SLIT2: variants seen among roughly 807,000 people sequenced by gnomAD.
SLIT2 encodes the protein slit homolog 2 protein.
A neutral mutation model predicts 185.7 loss-of-function variants in SLIT2; 41 were observed. The observed-to-expected ratio is 0.22, with a 90% CI of 0.17 to 0.29. The LOEUF (loss-of-function observed/expected upper bound fraction) is 0.29, where lower values mean the gene tolerates loss of function less well. SLIT2 is among the 10% of genes least tolerant of loss of function. The pLI is 1.00. For missense variants in SLIT2, 1,571 were observed against 1,909.0 expected, an observed-to-expected ratio of 0.82 and a Z score of 3.30; for synonymous variants, 693 against 680.2, an observed-to-expected ratio of 1.02 and a Z score of -0.29.
chr4:20,277,054 C>G (rs1219228403), intron 4 of SLIT2, among the ~76,000 whole-genome samples: 2 of 152,142 alleles, frequency 1.3e-5, no homozygotes, highest in Non-Finnish European at 2.9e-5. Context: ...ACCTTAGACA[C>G]GACAAGGCAT....
chr4:20,503,459 A>C (rs1043579714), intron 9 of SLIT2, among the ~76,000 whole-genome samples: 1 of 152,160 alleles, frequency 6.6e-6, no homozygotes, highest in Non-Finnish European at 1.5e-5. Flanking sequence ...AAAACTTCTA[A>C]GTGTTTTTCT....
intron 4 of SLIT2, among the ~76,000 whole-genome samples, chr4:20,372,975 C>T (rs184995425): frequency 7.9e-5 from 12 of 151,978 alleles, no homozygotes; most frequent in Admixed American, 1.3e-4. Flanking sequence ...TTTACATTTA[C>T]GAACATATTA....
At chr4:20,514,763 C>CT (rs894620588) in intron 11 of SLIT2, among the ~76,000 whole-genome samples, 14 of 151,152 alleles carry the variant, frequency 9.3e-5, no homozygotes, top group Admixed American at 4.7e-4. Context: ...AAATCCTATA[C>CT]TTTTTTTTAT....
intron 9 of SLIT2, among the ~76,000 whole-genome samples, chr4:20,499,194 C>T (rs1718486156): frequency 6.6e-6 from 1 of 152,214 alleles, no homozygotes; most frequent in South Asian, 2.1e-4. Flanking sequence ...TTGAGAAATA[C>T]TTGTTCATAT....
At chr4:20,471,310 ATATAT>A (rs947690868) in intron 5 of SLIT2, among the ~76,000 whole-genome samples, 15 of 152,282 alleles carry the variant, frequency 9.9e-5, no homozygotes, top group African/African-American at 2.2e-4. Context: ...ATCTGGTAAA[ATATAT>A]TATAACTGAG....
chr4:20,372,082 C>T (rs888480522), intron 4 of SLIT2, among the ~76,000 whole-genome samples: 1 of 152,066 alleles, frequency 6.6e-6, no homozygotes, highest in South Asian at 2.1e-4. Flanking sequence ...TTATTCTTCA[C>T]CCACTTTTAG....
intron 22 of SLIT2, among the ~76,000 whole-genome samples, chr4:20,548,238 C>T (rs1428529967): frequency 1.3e-5 from 2 of 152,044 alleles, no homozygotes; most frequent in African/African-American, 2.4e-5. Context: ...ACCCCTTGCA[C>T]GTACACTACA....
At chr4:20,477,916 C>G (rs1216902345) in intron 5 of SLIT2, among the ~76,000 whole-genome samples, 1 of 152,162 alleles carries the variant, frequency 6.6e-6, no homozygotes, top group Non-Finnish European at 1.5e-5. Context: ...TGGCAGAGAA[C>G]AGATCCTTTC....
intron 6 of SLIT2, 48 bp from the exon 7 acceptor site, chr4:20,486,148 GATCA>G (rs779282245): frequency 4.4e-5 from 48 of 1,089,114 alleles, no homozygotes; most frequent in Non-Finnish European, 6.5e-5. Flanking sequence ...TATATAAAAT[GATCA>G]ATCAATTTTG....
chr4:20,264,181 T>C (rs1009628876), intron 3 of SLIT2, among the ~76,000 whole-genome samples: 8 of 152,044 alleles, frequency 5.3e-5, no homozygotes, highest in African/African-American at 1.9e-4. Context: ...CTTTATTTTA[T>C]TTACATAATA....
chr4:20,609,326 C>A (rs1729030745), intron 33 of SLIT2, among the ~76,000 whole-genome samples: 1 of 152,126 alleles, frequency 6.6e-6, no homozygotes, highest in African/African-American at 2.4e-5. Flanking sequence ...TCCAGACAGC[C>A]ACTGTCATTG....
intron 4 of SLIT2, among the ~76,000 whole-genome samples, chr4:20,414,091 C>T (rs1727470901): frequency 6.6e-6 from 1 of 152,000 alleles, no homozygotes; most frequent in Admixed American, 6.6e-5. Context: ...TTCTAAGGTG[C>T]AATTTTAATT....
At chr4:20,606,205 A>G (rs1728786860) in intron 33 of SLIT2, among the ~76,000 whole-genome samples, 1 of 152,112 alleles carries the variant, frequency 6.6e-6, no homozygotes, top group Admixed American at 6.5e-5. Flanking sequence ...TATCTTAAAA[A>G]CCAAATTGGC....
At chr4:20,352,511 C>T (rs1346749315) in intron 4 of SLIT2, among the ~76,000 whole-genome samples, 5 of 152,100 alleles carry the variant, frequency 3.3e-5, no homozygotes, top group African/African-American at 7.2e-5. Flanking sequence ...ATTAGATAAA[C>T]GCTACTTAAA....
chr4:20,338,100 A>AT (rs1434556671), intron 4 of SLIT2, among the ~76,000 whole-genome samples: 2 of 152,114 alleles, frequency 1.3e-5, no homozygotes, highest in Non-Finnish European at 2.9e-5. Context: ...ACAAGTAAAG[A>AT]TTTTTTTGGT....
intron 4 of SLIT2, among the ~76,000 whole-genome samples, chr4:20,354,898 T>TGAGAGAGA (rs1295039840): frequency 1.7e-4 from 21 of 124,176 alleles, no homozygotes; most frequent in African/African-American, 6.4e-4. Flanking sequence ...TGTGTGTGTG[T>TGAGAGAGA]GTGTGTGTGA....
chr4:20,430,608 C>T (rs1247819472), intron 4 of SLIT2, among the ~76,000 whole-genome samples: 4 of 152,216 alleles, frequency 2.6e-5, no homozygotes, highest in African/African-American at 9.6e-5. Flanking sequence ...ACCTTCACCA[C>T]AAGTTACTTA....
intron 4 of SLIT2, among the ~76,000 whole-genome samples, chr4:20,407,963 C>G (rs950162882): frequency 4.6e-5 from 7 of 152,048 alleles, no homozygotes; most frequent in African/African-American, 1.7e-4. Context: ...ATAACCAAGT[C>G]TTTTCAAGCA....
At chr4:20,567,423 C>G (rs748593585) in intron 27 of SLIT2, 37 bp downstream of exon 27, 1 of 1,612,456 alleles carries the variant, frequency 6.2e-7, no homozygotes, top group Non-Finnish European at 8.5e-7. Context: ...AGTTTGAGAG[C>G]ATAACTTTTC....
Sources: allele counts gnomAD v4.1 joint callset (sites outside exome capture counted in the v4.1 genomes callset), GRCh38; gene constraint gnomAD v4.1.1; transcripts MANE v1.5; gene names NCBI Gene and HGNC (gene_info 2026-07-23, HGNC 2026-07-21).